Variants in WWP1 observed in about 807,000 individuals in gnomAD.
The protein encoded by WWP1 is NEDD4-like E3 ubiquitin-protein ligase WWP1.
Under a neutral mutation model 130.6 loss-of-function variants are expected in WWP1, and 49 were observed. That is an observed-to-expected ratio of 0.38 (90% CI 0.30 to 0.48). The LOEUF (loss-of-function observed/expected upper bound fraction) is 0.48, where lower values mean the gene tolerates loss of function less well. Among genes scored for constraint, WWP1 ranks in the 20% least tolerant of loss-of-function variants. The pLI is 0.99. For missense variants in WWP1, 809 were observed against 1,100.6 expected (o/e 0.74, Z 3.75); for synonymous variants, 332 against 367.8 (o/e 0.90, Z 1.11).
At chr8:86,388,314 G>T (rs1825408425) in intron 5 of WWP1, among the ~76,000 whole-genome samples, 1 of 151,592 alleles carries the variant, frequency 6.6e-6, no homozygotes, top group East Asian at 1.9e-4. Context: ...CTGTTCACAG[G>T]TGCTATCCTA....
At chr8:86,440,397 C>T (rs1316572233) in intron 17 of WWP1, among the ~76,000 whole-genome samples, 1 of 152,100 alleles carries the variant, frequency 6.6e-6, no homozygotes, top group African/African-American at 2.4e-5. Context: ...GCATAATGTT[C>T]TCTGTTGCTT....
intron 9 of WWP1, among the ~76,000 whole-genome samples, chr8:86,413,841 G>C (rs535040080): frequency 6.6e-6 from 1 of 152,194 alleles, no homozygotes; most frequent in Non-Finnish European, 1.5e-5. Context: ...TAAAGCAGGG[G>C]AGTGGCATAA....
chr8:86,442,833 A>G, intron 18 of WWP1, 55 bp downstream of exon 18: 2 of 1,419,676 alleles, frequency 1.4e-6, no homozygotes, highest in Non-Finnish European at 1.8e-6. Context: ...TGTATTAGAG[A>G]AGGCTTTTAA....
intron 22 of WWP1, among the ~76,000 whole-genome samples, chr8:86,460,081 A>T (rs1345979816): frequency 1.3e-5 from 2 of 152,192 alleles, no homozygotes; most frequent in African/African-American, 2.4e-5. Flanking sequence ...TTTCTGTTAT[A>T]CTCAAACCAA....
At chr8:86,375,685 T>G (rs926058610) in intron 3 of WWP1, among the ~76,000 whole-genome samples, 2 of 152,312 alleles carry the variant, frequency 1.3e-5, no homozygotes, top group East Asian at 1.9e-4. Flanking sequence ...TGCTGGACAT[T>G]GGCGTTCCAC....
At chr8:86,409,207 ATTCTTTTTCTTTTTCT>A (rs1808441971) in intron 8 of WWP1, among the ~76,000 whole-genome samples, 2 of 119,362 alleles carry the variant, frequency 1.7e-5, no homozygotes, top group South Asian at 2.8e-4. Context: ...ATTTTAATTT[ATTCTTTTTCTTTTTCT>A]TTCTTTTTTT....
intron 5 of WWP1, among the ~76,000 whole-genome samples, chr8:86,384,293 T>G (rs563166986): frequency 6.6e-6 from 1 of 152,298 alleles, no homozygotes; most frequent in East Asian, 1.9e-4. Flanking sequence ...GTAAATAAAT[T>G]TATTTGAAGA....
chr8:86,372,727 T>TA (rs1824397476), intron 2 of WWP1, among the ~76,000 whole-genome samples: 2 of 152,314 alleles, frequency 1.3e-5, no homozygotes, highest in African/African-American at 2.4e-5. Flanking sequence ...GGTTTGTCCT[T>TA]ATATGCATTG....
At chr8:86,401,551 A>T (rs1015189655) in intron 7 of WWP1, among the ~76,000 whole-genome samples, 1 of 12,262 alleles carries the variant, frequency 8.2e-5, no homozygotes, top group Non-Finnish European at 2.3e-4. Context: ...CCTGTCTCTA[A>T]AAAAAAAAAA....
At chr8:86,359,464 A>G (rs1823439981) in intron 1 of WWP1, among the ~76,000 whole-genome samples, 2 of 152,150 alleles carry the variant, frequency 1.3e-5, no homozygotes, top group African/African-American at 4.8e-5. Context: ...CTGGTAAAAC[A>G]GGGAATTTTG....
chr8:86,412,349 A>G (rs576334065), intron 9 of WWP1, among the ~76,000 whole-genome samples: 1 of 152,244 alleles, frequency 6.6e-6, no homozygotes, highest in African/African-American at 2.4e-5. Context: ...AGTAATTCTT[A>G]ATCTCTTTTA....
At chr8:86,391,189 A>T (rs1226023952) in intron 5 of WWP1, among the ~76,000 whole-genome samples, 1 of 152,152 alleles carries the variant, frequency 6.6e-6, no homozygotes, top group Admixed American at 6.5e-5. Flanking sequence ...CTTCACATTT[A>T]AGCCCTAGTG....
At chr8:86,432,213 C>T (rs747200829) in intron 14 of WWP1, among the ~76,000 whole-genome samples, 21 of 152,228 alleles carry the variant, frequency 1.4e-4, no homozygotes, top group Middle Eastern at 6.8e-3. Flanking sequence ...TTAAAGATAC[C>T]TTAATTAAGC....
Position 86,461,793 on chromosome 8 carries a change from G to A in WWP1, c.2616G>A (p.Lys872=). Residue 872 remains lysine (K), a synonymous_variant, in exon 24 of 25, where the codon AAG becomes AAA. Coordinates refer to ENST00000517970, the MANE Select transcript of WWP1 (RefSeq NM_007013.4). The part of the protein sequence containing the change: ...AELMGSNGPQ[K]FCIEKVGKDT... ...GTGTAGGAAGTAATGGGCCTCAAAA[G>A]TTTTGCATTGAAAAAGTTGGCAAAG... 2 of 1,613,922 alleles carry A rather than the reference G, an allele frequency of 1.2e-6. No individual in the cohort carries two copies. Among genetic ancestry groups the A allele is most frequent in the East Asian group, 2.2e-5 (1 of 44,850 alleles).
chr8:86,439,062 GGC>G (rs1810452435), intron 17 of WWP1, among the ~76,000 whole-genome samples: 1 of 152,042 alleles, frequency 6.6e-6, no homozygotes, highest in South Asian at 2.1e-4. Flanking sequence ...AAGTTTTAAA[GGC>G]TGGACGTGGT....
At chr8:86,353,210 A>C (rs1823048313) in intron 1 of WWP1, among the ~76,000 whole-genome samples, 1 of 149,072 alleles carries the variant, frequency 6.7e-6, no homozygotes, top group African/African-American at 2.4e-5. Flanking sequence ...AACAAAACAA[A>C]TTTCAAGCTA....
At chr8:86,449,191 A>G (rs1462712627) in intron 20 of WWP1, among the ~76,000 whole-genome samples, 2 of 152,024 alleles carry the variant, frequency 1.3e-5, no homozygotes, top group Non-Finnish European at 2.9e-5. Context: ...AAATGTAGGC[A>G]TTTTTCCAAG....
At chr8:86,376,510 A>G (rs541693923) in intron 3 of WWP1, among the ~76,000 whole-genome samples, 2 of 152,308 alleles carry the variant, frequency 1.3e-5, no homozygotes, top group East Asian at 3.9e-4. Context: ...TGGAGGTTGC[A>G]GTGAGCCGAG....
Position 86,461,208 on chromosome 8 carries a change from T to C in WWP1, c.2500-16T>C, listed in dbSNP as rs1169309514. ...GTTTAGCATTTCATATTAAAGTACA[T>C]TTAATTTCATTACAGTTTGTGAAAG... On this transcript the variant is annotated splice_polypyrimidine_tract_variant and intron_variant, in intron 22 of 24. Coordinates refer to ENST00000517970, the MANE Select transcript of WWP1 (RefSeq NM_007013.4). 6.2e-7 allele frequency: 1 copy of C among 1,606,678 alleles called. No individual in the cohort carries two copies. The highest frequency in any genetic ancestry group is 8.5e-7 in the Non-Finnish European group (1 of 1,173,914).
Sources: allele counts gnomAD v4.1 joint callset (sites outside exome capture counted in the v4.1 genomes callset), GRCh38; gene constraint gnomAD v4.1.1; transcripts MANE v1.5; gene names NCBI Gene and HGNC (gene_info 2026-07-23, HGNC 2026-07-21).